The following PCBP3 variants were observed in gnomAD, a reference collection of about 807,000 sequenced individuals.
The protein encoded by PCBP3 is poly(rC)-binding protein 3.
In PCBP3, 25 loss-of-function variants were observed where a neutral mutation model predicts 52.7. The ratio of observed to expected loss-of-function variants is 0.47; its 90% CI spans 0.35 to 0.66. The LOEUF is 0.66. PCBP3 is among the 30% of genes least tolerant of loss of function. The pLI, the probability that PCBP3 is intolerant of heterozygous loss-of-function variation, is 0.01. For missense variants in PCBP3, 391 were observed against 490.3 expected (o/e 0.80, Z 1.91); for synonymous variants, 162 against 183.0 (o/e 0.89, Z 0.93).
intron 2 of PCBP3, among the ~76,000 whole-genome samples, chr21:45,722,857 A>C (rs564012013): frequency 1.3e-5 from 2 of 151,996 alleles, no homozygotes; most frequent in Admixed American, 6.6e-5. Context: ...TTAAAAAAAA[A>C]CAAAAATTAG....
chr21:45,720,155 G>T (rs963633790), intron 2 of PCBP3, among the ~76,000 whole-genome samples: 8 of 152,098 alleles, frequency 5.3e-5, no homozygotes, highest in Non-Finnish European at 7.4e-5. Context: ...CTGCCATGGT[G>T]GTTTGCTGCA....
intron 2 of PCBP3, among the ~76,000 whole-genome samples, chr21:45,672,901 C>T (rs545680145): frequency 8.5e-5 from 13 of 152,128 alleles, no homozygotes; most frequent in Non-Finnish European, 1.3e-4. Flanking sequence ...TGCCTAAGCC[C>T]GTGTCTTTCT....
Position 45,805,921 on chromosome 21 carries a change from C to T in PCBP3, c.-125-44040C>T, listed in dbSNP as rs1158209700. Among the ~76,000 whole-genome samples the T allele has an allele frequency of 2.0e-5, 3 of 152,200 alleles. No individual in the cohort carries two copies. The highest frequency in any genetic ancestry group is 4.4e-5 in the Non-Finnish European group (3 of 68,038). On this transcript the variant is annotated intron_variant, in intron 4 of 17. Transcript: ENST00000681687. This position sits in a 1 kb window ranked among gnomAD's most constrained non-coding sequence, Gnocchi z 4.6. The stretch of plus-strand genomic sequence containing the variant: ...GGGGGGCGGGCCATGAGGGGAAGTC[C>T]AGGCCTCTCCACCCAGGAGTCTGTG...
At chr21:45,728,177 G>A (rs1308759190) in intron 2 of PCBP3, among the ~76,000 whole-genome samples, 1 of 152,122 alleles carries the variant, frequency 6.6e-6, no homozygotes, top group Non-Finnish European at 1.5e-5. Flanking sequence ...CTGAATTTAG[G>A]GGTAAACATT....
intron 10 of PCBP3, 109 bp downstream of exon 10, chr21:45,909,595 C>G (rs2082748225): frequency 9.5e-7 from 1 of 1,056,072 alleles, no homozygotes; most frequent in African/African-American, 1.6e-5. Context: ...GTCTGCAAGC[C>G]CAATGCTGGC....
At chr21:45,670,372 G>A (rs1013998815) in intron 2 of PCBP3, among the ~76,000 whole-genome samples, 3 of 152,076 alleles carry the variant, frequency 2.0e-5, no homozygotes, top group Non-Finnish European at 4.4e-5. Flanking sequence ...CCAACTTCTT[G>A]TCTTTGTAGA....
chr21:45,836,050 G>A (rs1225139033), intron 4 of PCBP3, among the ~76,000 whole-genome samples: 2 of 152,146 alleles, frequency 1.3e-5, no homozygotes, highest in African/African-American at 2.4e-5. Flanking sequence ...CGTGGGGCCC[G>A]AGATGACAAG....
intron 4 of PCBP3, among the ~76,000 whole-genome samples, chr21:45,813,533 C>T (rs1168135278): frequency 6.6e-6 from 1 of 152,192 alleles, no homozygotes; most frequent in African/African-American, 2.4e-5. Context: ...CCTCTGCCTC[C>T]CAGGTTCAAG....
rs2092268180 is a variant in PCBP3 at position 45,800,772 on chromosome 21, C to T, written c.-126+45320C>T. On this transcript the variant is annotated intron_variant, in intron 4 of 17. Transcript: ENST00000681687. The surrounding 1 kb of genome is among the most constrained non-coding windows in gnomAD (Gnocchi z 5.3). The stretch of plus-strand genomic sequence containing the variant: ...CGGGAGGGAGGATGTCTTTCCCTGA[C>T]CTCGTTTGTGTGGCCCTGGTGCCCA... Among the ~76,000 whole-genome samples, 1 of 152,232 alleles carries T rather than the reference C, an allele frequency of 6.6e-6. No homozygotes were observed. Among genetic ancestry groups the T allele is most frequent in the Non-Finnish European group, 1.5e-5 (1 of 68,036 alleles).
At chr21:45,767,766 G>T (rs1158019016) in intron 4 of PCBP3, among the ~76,000 whole-genome samples, 2 of 152,234 alleles carry the variant, frequency 1.3e-5, no homozygotes, top group Admixed American at 6.5e-5. Flanking sequence ...CCATGGCAGG[G>T]TCTCTGCTCC....
At chr21:45,716,140 G>C (rs964731294) in intron 2 of PCBP3, among the ~76,000 whole-genome samples, 1 of 151,874 alleles carries the variant, frequency 6.6e-6, no homozygotes, top group Non-Finnish European at 1.5e-5. Context: ...ATTAATTTTC[G>C]TATATAGTAT....
intron 4 of PCBP3, among the ~76,000 whole-genome samples, chr21:45,834,849 G>A (rs1345453672): frequency 6.6e-6 from 1 of 152,252 alleles, no homozygotes; most frequent in Non-Finnish European, 1.5e-5. Flanking sequence ...GCAGAGCCCA[G>A]GAATGCCCAC....
chr21:45,743,679 G>A (rs989932271), intron 3 of PCBP3, among the ~76,000 whole-genome samples: 1 of 152,160 alleles, frequency 6.6e-6, no homozygotes, highest in Admixed American at 6.5e-5. Context: ...TACCGTTAGT[G>A]TTCGAGTTAT....
chr21:45,669,724 G>A (rs968521148), intron 2 of PCBP3, among the ~76,000 whole-genome samples: 17 of 145,140 alleles, frequency 1.2e-4, no homozygotes, highest in Non-Finnish European at 2.4e-4. Flanking sequence ...CTGTCTTCAG[G>A]GTTCATCCAT....
chr21:45,690,955 C>T (rs1254097542), intron 2 of PCBP3, among the ~76,000 whole-genome samples: 2 of 152,070 alleles, frequency 1.3e-5, no homozygotes, highest in African/African-American at 4.8e-5. Flanking sequence ...TTTGACAGAT[C>T]CTTATAAAGC....
At chr21:45,782,051 AT>A (rs35855260) in intron 4 of PCBP3, among the ~76,000 whole-genome samples, 76,532 of 151,238 alleles carry the variant, frequency 0.51, 20,143 homozygotes, top group East Asian at 0.82. Context: ...CTCAAAGCTG[AT>A]TTTTTTTTTC....
At position 45,860,667 on chromosome 21, in the gene PCBP3, G is replaced by A. The variant is rs963893771; in HGVS notation, c.10+10572G>A. Among the ~76,000 whole-genome samples, 6 of 152,334 alleles carry A rather than the reference G, an allele frequency of 3.9e-5. No individual in the cohort carries two copies. In the South Asian group the frequency reaches 6.2e-4, roughly 16 times the overall value. Reference sequence around the variant, plus strand: ...CCTCTCATGGCCAACAGCAAAGATCGTGCGAGGCTGCGTGACAGCGCAGAG... The same window carrying A: ...CCTCTCATGGCCAACAGCAAAGATCATGCGAGGCTGCGTGACAGCGCAGAG... On this transcript the variant is annotated intron_variant, in intron 5 of 17. Transcript: ENST00000681687.
At position 45,936,359 on chromosome 21, in the gene PCBP3, T is replaced by G. The variant is rs191293214; in HGVS notation, c.909+1054T>G. ...TCATGGCAATGTGCACTCTAGGCCT[T>G]CTTCTATCCCGGTTGCTGGTCAGGC... On this transcript the variant is annotated intron_variant, in intron 16 of 17. Coordinates refer to ENST00000681687, the MANE Select transcript of PCBP3 (RefSeq NM_001384156.1). 5.9e-5 allele frequency among the ~76,000 whole-genome samples: 9 copies of G among 152,354 alleles called. No homozygotes were observed. The East Asian group carries it at 1.7e-3, about 29-fold the overall frequency.
chr21:45,728,659 T>C (rs1440578732), intron 2 of PCBP3: 1 of 152,180 alleles, frequency 6.6e-6, no homozygotes, highest in East Asian at 1.9e-4. Flanking sequence ...TTCTTCCTTG[T>C]ATATTTTATT....
Sources: gnomAD v4.1 joint callset for allele counts (sites outside exome capture counted in the v4.1 genomes callset) on GRCh38, gnomAD v4.1.1 for gene constraint, Gnocchi (gnomAD v3.1) non-coding constraint, MANE v1.5 for transcripts, NCBI Gene and HGNC (gene_info 2026-07-23, HGNC 2026-07-21) for gene names.